The following HDAC9 variants were observed in gnomAD, a reference collection of about 807,000 sequenced individuals.
HDAC9 encodes the protein histone deacetylase 9.
Under a neutral mutation model 139.4 loss-of-function variants are expected in HDAC9, and 41 were observed. That is an observed-to-expected ratio of 0.29 (90% CI 0.23 to 0.38). The LOEUF (loss-of-function observed/expected upper bound fraction) is 0.38, where lower values mean the gene tolerates loss of function less well. HDAC9 is among the 10% of genes least tolerant of loss of function. HDAC9 has a pLI of 1.00. For synonymous variants in HDAC9, 517 were observed against 476.2 expected (o/e 1.09, Z -1.12); for missense variants, 1,147 against 1,297.0 (o/e 0.88, Z 1.78).
intron 1 of HDAC9, among the ~76,000 whole-genome samples, chr7:18,468,063 A>G (rs1794429216): frequency 6.6e-6 from 1 of 152,204 alleles, no homozygotes. Flanking sequence ...CAAATGATGC[A>G]GAGGGTACAT....
intron 22 of HDAC9, among the ~76,000 whole-genome samples, chr7:18,878,187 A>AT (rs1005836380): frequency 2.8e-4 from 43 of 151,536 alleles, no homozygotes; most frequent in African/African-American, 8.5e-4. Flanking sequence ...TGTTGTTAAC[A>AT]TTTTTTTTTA....
At chr7:18,254,836 A>G (rs900295789) in intron 2 of HDAC9, among the ~76,000 whole-genome samples, 20 of 152,298 alleles carry the variant, frequency 1.3e-4, no homozygotes, top group African/African-American at 4.6e-4. Context: ...GGTGAGTACT[A>G]TTGTGTGGAT....
At chr7:18,807,326 AT>A (rs1362072704) in intron 17 of HDAC9, among the ~76,000 whole-genome samples, 8 of 151,986 alleles carry the variant, frequency 5.3e-5, no homozygotes. Context: ...TTTGAGTCTG[AT>A]ATCTTTTTTT....
intron 21 of HDAC9, among the ~76,000 whole-genome samples, chr7:18,860,048 A>G (rs964722698): frequency 4.0e-5 from 6 of 151,724 alleles, no homozygotes; most frequent in African/African-American, 9.7e-5. Flanking sequence ...GGGAAATGCA[A>G]TATGTGTACT....
intron 17 of HDAC9, among the ~76,000 whole-genome samples, chr7:18,819,729 T>A (rs34790628): frequency 6.6e-6 from 1 of 152,088 alleles, no homozygotes; most frequent in Non-Finnish European, 1.5e-5. Flanking sequence ...TAATTGTCAC[T>A]TTTGGTGACA....
chr7:18,169,252 T>A (rs1219264510), intron 2 of HDAC9, among the ~76,000 whole-genome samples: 1 of 152,116 alleles, frequency 6.6e-6, no homozygotes, highest in South Asian at 2.1e-4. Context: ...AAGTATTTTT[T>A]ATGAACAAAA....
Position 19,001,634 on chromosome 7 carries a change from A to C in HDAC9, c.*5572A>C, listed in dbSNP as rs1470816730. The C allele has an allele frequency of 6.6e-6, 1 of 151,906 alleles. No individual in the cohort carries two copies. Among genetic ancestry groups the C allele is most frequent in the East Asian group, 1.9e-4 (1 of 5,186 alleles). The allele number at this position is 151,906 out of a possible 1,614,324, so 9.4% of individuals were successfully genotyped here. ...GGGTATGTAAGGGTTGTTTTTAGAT[A>C]AAACTCCCGATTTGTTCTTCCTACA... On this transcript the variant is annotated 3_prime_UTR_variant, in exon 26 of 26. Coordinates refer to ENST00000686413, the MANE Select transcript of HDAC9 (RefSeq NM_178425.4).
At chr7:18,715,305 TTCTC>T (rs996297158) in intron 12 of HDAC9, among the ~76,000 whole-genome samples, 2 of 152,234 alleles carry the variant, frequency 1.3e-5, no homozygotes, top group African/African-American at 2.4e-5. Context: ...TTAAACAATA[TTCTC>T]TCTGTCTTAT....
At chr7:18,840,928 A>G (rs138969492) in intron 21 of HDAC9, among the ~76,000 whole-genome samples, 1 of 152,132 alleles carries the variant, frequency 6.6e-6, no homozygotes, top group East Asian at 1.9e-4. Flanking sequence ...AAAATGTAGA[A>G]AGGGCATTTA....
intron 1 of HDAC9, among the ~76,000 whole-genome samples, chr7:18,455,511 T>C (rs1000454093): frequency 1.3e-5 from 2 of 152,216 alleles, no homozygotes; most frequent in Non-Finnish European, 2.9e-5. Context: ...GAACAATTCT[T>C]ACAGTGAGAA....
intron 1 of HDAC9, among the ~76,000 whole-genome samples, chr7:18,387,759 A>C (rs1396874399): frequency 1.3e-5 from 2 of 152,228 alleles, no homozygotes; most frequent in African/African-American, 4.8e-5. Context: ...TAAGCGAATA[A>C]AACATCTCAT....
chr7:18,224,695 C>A (rs762682555), intron 2 of HDAC9, among the ~76,000 whole-genome samples: 3 of 152,008 alleles, frequency 2.0e-5, no homozygotes, highest in Non-Finnish European at 2.9e-5. Flanking sequence ...AGAAAGGAGG[C>A]CTTTCTTTAC....
intron 1 of HDAC9, among the ~76,000 whole-genome samples, chr7:18,317,866 C>T (rs899667564): frequency 8.5e-5 from 13 of 152,104 alleles, no homozygotes; most frequent in African/African-American, 2.7e-4. Flanking sequence ...AACAGAAATC[C>T]GTGTTGCCAA....
chr7:18,563,457 T>A (rs577769099), intron 2 of HDAC9, among the ~76,000 whole-genome samples: 1 of 152,336 alleles, frequency 6.6e-6, no homozygotes, highest in East Asian at 1.9e-4. Context: ...TGTTAGCTTA[T>A]TTTAGTTATT....
chr7:18,358,680 A>G (rs1335340994), intron 1 of HDAC9, among the ~76,000 whole-genome samples: 5 of 152,208 alleles, frequency 3.3e-5, no homozygotes, highest in African/African-American at 1.2e-4. Flanking sequence ...GCATGGTGCC[A>G]TAGGTTATTC....
At chr7:18,649,135 C>T (rs1322049627) in intron 11 of HDAC9, among the ~76,000 whole-genome samples, 2 of 152,128 alleles carry the variant, frequency 1.3e-5, no homozygotes, top group African/African-American at 4.8e-5. Flanking sequence ...TTTGCGAATG[C>T]CCCACTTCAT....
intron 6 of HDAC9, among the ~76,000 whole-genome samples, chr7:18,611,681 G>T (rs1837188978): frequency 6.6e-6 from 1 of 152,114 alleles, no homozygotes; most frequent in East Asian, 1.9e-4. Context: ...ATTGAGAATG[G>T]CAATTTTGCT....
At chr7:18,348,454 G>T (rs1295446826) in intron 1 of HDAC9, among the ~76,000 whole-genome samples, 1 of 152,044 alleles carries the variant, frequency 6.6e-6, no homozygotes, top group African/African-American at 2.4e-5. Context: ...TTTTGGGAAG[G>T]TTCAATTAGA....
intron 1 of HDAC9, among the ~76,000 whole-genome samples, chr7:18,442,397 A>G (rs887567632): frequency 1.3e-5 from 2 of 152,212 alleles, no homozygotes; most frequent in Non-Finnish European, 2.9e-5. Flanking sequence ...AAGTGACCAA[A>G]TATTTATTTC....
Sources: allele counts gnomAD v4.1 joint callset (sites outside exome capture counted in the v4.1 genomes callset), GRCh38; gene constraint gnomAD v4.1.1; transcripts MANE v1.5; gene names NCBI Gene and HGNC (gene_info 2026-07-23, HGNC 2026-07-21).